Variants in SNX10 observed in about 807,000 individuals in gnomAD.
SNX10 encodes the protein sorting nexin-10.
Under a neutral mutation model 28.5 loss-of-function variants are expected in SNX10, and 25 were observed. The ratio of observed to expected loss-of-function variants is 0.88; its 90% CI spans 0.64 to 1.22. The LOEUF (loss-of-function observed/expected upper bound fraction) is 1.22, where lower values mean the gene tolerates loss of function less well. SNX10 is among the 50% of genes most tolerant of loss of function. The probability of loss-of-function intolerance (pLI) is 0.00; values close to 1 mark genes in which losing one functional copy is unlikely to be tolerated. For missense variants in SNX10, 223 were observed against 242.6 expected, an observed-to-expected ratio of 0.92 and a Z score of 0.54; for synonymous variants, 62 against 81.4, an observed-to-expected ratio of 0.76 and a Z score of 1.28.
chr7:26,372,080 A>G, intron 6 of SNX10, 47 bp downstream of exon 6: 4 of 1,269,176 alleles, frequency 3.2e-6, no homozygotes, highest in Non-Finnish European at 4.5e-6. Context: ...TATATAATAC[A>G]TAGTATGCAC....
At chr7:26,358,954 C>T (rs1425356407) in intron 2 of SNX10, among the ~76,000 whole-genome samples, 1 of 151,474 alleles carries the variant, frequency 6.6e-6, no homozygotes, top group Non-Finnish European at 1.5e-5. Context: ...TACAGGCGCC[C>T]AACACCATGC....
intron 1 of SNX10, among the ~76,000 whole-genome samples, chr7:26,317,765 C>T (rs1037033831): frequency 2.0e-5 from 3 of 149,874 alleles, no homozygotes; most frequent in Non-Finnish European, 2.9e-5. Context: ...TGGGTTCAAG[C>T]GATTCTCCTG....
chr7:26,352,853 A>T (rs1489128575), intron 2 of SNX10, among the ~76,000 whole-genome samples: 1 of 152,222 alleles, frequency 6.6e-6, no homozygotes, highest in Non-Finnish European at 1.5e-5. Flanking sequence ...TAAAGTCTTT[A>T]ATTCTCTCTT....
chr7:26,355,942 G>A (rs973280406), intron 2 of SNX10, among the ~76,000 whole-genome samples: 2 of 152,140 alleles, frequency 1.3e-5, no homozygotes, highest in African/African-American at 4.8e-5. Flanking sequence ...GAGCTCTGAG[G>A]GTTGTTGTAA....
intron 2 of SNX10, among the ~76,000 whole-genome samples, chr7:26,356,668 G>C (rs1470798428): frequency 1.3e-5 from 2 of 152,168 alleles, no homozygotes; most frequent in African/African-American, 4.8e-5. Flanking sequence ...ACTCCCACTA[G>C]GCCAACAAAT....
intron 2 of SNX10, chr7:26,354,131 T>A (rs1331857593): frequency 6.6e-6 from 1 of 152,166 alleles, no homozygotes; most frequent in Non-Finnish European, 1.5e-5. Flanking sequence ...AAAACACACC[T>A]ATCACAATGG....
intron 1 of SNX10, among the ~76,000 whole-genome samples, chr7:26,326,985 C>G (rs1450669088): frequency 1.4e-5 from 2 of 142,392 alleles, no homozygotes; most frequent in Non-Finnish European, 3.0e-5. Context: ...GAGTCTCGCT[C>G]TGTCACCCAG....
intron 1 of SNX10, among the ~76,000 whole-genome samples, chr7:26,338,458 C>T (rs1584137152): frequency 6.6e-6 from 1 of 151,922 alleles, no homozygotes; most frequent in African/African-American, 2.4e-5. Context: ...CTGCATCTCG[C>T]TCTGTTGCCC....
chr7:26,353,460 T>TTTGG (rs1788689204), intron 2 of SNX10, among the ~76,000 whole-genome samples: 48 of 83,424 alleles, frequency 5.8e-4, no homozygotes, highest in Middle Eastern at 9.1e-3. Context: ...TTTTTTTTTT[T>TTTGG]GGTGGGGAGA....
intron 1 of SNX10, among the ~76,000 whole-genome samples, chr7:26,312,564 T>C (rs1219785202): frequency 6.6e-6 from 1 of 152,066 alleles, no homozygotes; most frequent in African/African-American, 2.4e-5. Context: ...GGCTGTCGGA[T>C]CACAAGGTCA....
At chr7:26,302,844 T>C (rs1453378823) in intron 1 of SNX10, among the ~76,000 whole-genome samples, 3 of 151,754 alleles carry the variant, frequency 2.0e-5, no homozygotes, top group East Asian at 3.9e-4. Context: ...AGGCCCGGAG[T>C]TTGAGACCAG....
intron 2 of SNX10, 135 bp from the exon 3 acceptor site, chr7:26,360,840 T>C (rs1209065674): frequency 6.8e-7 from 1 of 1,467,948 alleles, no homozygotes; most frequent in Non-Finnish European, 8.9e-7. Context: ...TTACTTCTTG[T>C]TTTTTAAAGG....
At chr7:26,346,926 G>A (rs1288905299) in intron 2 of SNX10, among the ~76,000 whole-genome samples, 2 of 152,256 alleles carry the variant, frequency 1.3e-5, no homozygotes, top group Admixed American at 6.5e-5. Context: ...TGGCTTCCCA[G>A]GCCTCCATGC....
intron 1 of SNX10, among the ~76,000 whole-genome samples, chr7:26,313,972 C>T (rs951917834): frequency 3.3e-5 from 5 of 151,472 alleles, no homozygotes; most frequent in African/African-American, 1.2e-4. Flanking sequence ...ACTACCCCAC[C>T]TAATTTTTGT....
chr7:26,320,277 C>T (rs986932997), intron 1 of SNX10, among the ~76,000 whole-genome samples: 5 of 151,714 alleles, frequency 3.3e-5, no homozygotes, highest in African/African-American at 1.2e-4. Context: ...CCCCTGCTCC[C>T]GGCCTATATT....
intron 1 of SNX10, among the ~76,000 whole-genome samples, chr7:26,298,033 C>G (rs1370499904): frequency 6.6e-6 from 1 of 152,190 alleles, no homozygotes; most frequent in Non-Finnish European, 1.5e-5. Context: ...GAGTTCGAGA[C>G]CAGCCTGGCC....
intron 1 of SNX10, among the ~76,000 whole-genome samples, chr7:26,325,752 G>C (rs1787480106): frequency 6.7e-6 from 1 of 149,448 alleles, no homozygotes; most frequent in African/African-American, 2.5e-5. Flanking sequence ...TTTTGAGATG[G>C]AGTCTCACTC....
chr7:26,333,364 G>T (rs1299230560), intron 1 of SNX10, among the ~76,000 whole-genome samples: 34 of 125,680 alleles, frequency 2.7e-4, no homozygotes, highest in African/African-American at 9.8e-4. Context: ...TGGCTCTGTC[G>T]CCCAGGCTGG....
intron 2 of SNX10, chr7:26,354,067 C>T (rs1200411236): frequency 3.9e-5 from 6 of 152,184 alleles, no homozygotes; most frequent in East Asian, 1.9e-4. Flanking sequence ...TTAACACCTA[C>T]TCATCTTTAC....
Sources: allele counts gnomAD v4.1 joint callset (sites outside exome capture counted in the v4.1 genomes callset), GRCh38; gene constraint gnomAD v4.1.1; transcripts MANE v1.5; gene names NCBI Gene and HGNC (gene_info 2026-07-23, HGNC 2026-07-21).